ADGRB3: variants seen among roughly 807,000 people sequenced by gnomAD.
ADGRB3 encodes the protein adhesion G protein-coupled receptor B3.
ADGRB3 carries 37 observed loss-of-function variants against 193.4 expected under a neutral mutation model. That is an observed-to-expected ratio of 0.19 (90% CI 0.15 to 0.25). The LOEUF is 0.25. Ranked by LOEUF, ADGRB3 falls within the 10% of genes least tolerant of loss-of-function variation. The pLI is 1.00. For synonymous variants in ADGRB3, 690 were observed against 644.2 expected, an observed-to-expected ratio of 1.07 and a Z score of -1.08; for missense variants, 1,637 against 1,852.9, an observed-to-expected ratio of 0.88 and a Z score of 2.14.
At chr6:69,213,479 C>T (rs1765710081) in intron 17 of ADGRB3, among the ~76,000 whole-genome samples, 2 of 152,144 alleles carry the variant, frequency 1.3e-5, no homozygotes, top group African/African-American at 4.8e-5. Context: ...TATACATTGG[C>T]TTTTGGGTAA....
chr6:68,974,671 C>T (rs1768689706), intron 8 of ADGRB3, 92 bp from the exon 9 acceptor site: 5 of 922,732 alleles, frequency 5.4e-6, no homozygotes, highest in Admixed American at 4.3e-5. Flanking sequence ...AACTAAAGAG[C>T]TCTGCAGTTA....
chr6:68,895,740 C>G (rs997458024), intron 3 of ADGRB3, among the ~76,000 whole-genome samples: 3 of 151,352 alleles, frequency 2.0e-5, no homozygotes, highest in Admixed American at 1.3e-4. Context: ...TATAGCAGAT[C>G]AATAAATGCC....
intron 12 of ADGRB3, among the ~76,000 whole-genome samples, chr6:69,017,493 G>A (rs1770128887): frequency 6.6e-6 from 1 of 151,864 alleles, no homozygotes; most frequent in Non-Finnish European, 1.5e-5. Context: ...AAATTCATGT[G>A]ACATTTTCAA....
rs1398875215 is a variant in ADGRB3, at chr6:69,360,982, T to C, written c.3709T>C (p.Tyr1237His). ...GGGAACAAACCCTGAAGGGCTAAGC[T>C]ATTCAACATTGCCTGGAAATGTCAT... ...EKGTNPEGLS[Y>H]STLPGNVISK... The change falls in exon 29 of 32, where the codon TAT (tyrosine) becomes CAT (histidine). Residue 1237 changes from tyrosine to histidine, a missense_variant. Physicochemically the swap from Tyr to His is moderately conservative, Grantham distance 83. Coordinates refer to ENST00000370598, the MANE Select transcript of ADGRB3 (RefSeq NM_001704.3). 2 of 1,612,678 alleles carry C rather than the reference T, an allele frequency of 1.2e-6. No homozygotes were observed. Among genetic ancestry groups the C allele is most frequent in the Non-Finnish European group, 1.7e-6 (2 of 1,179,232 alleles).
At chr6:69,239,051 A>T in intron 19 of ADGRB3, 73 bp from the exon 20 acceptor site, 1 of 728,028 alleles carries the variant, frequency 1.4e-6, no homozygotes, top group Non-Finnish European at 2.3e-6. Flanking sequence ...GAATGCCATC[A>T]GTTTGCACAA....
At chr6:68,977,275 T>C (rs1768778407) in intron 10 of ADGRB3, among the ~76,000 whole-genome samples, 1 of 151,866 alleles carries the variant, frequency 6.6e-6, no homozygotes, top group South Asian at 2.1e-4. Context: ...TAGGTATAAG[T>C]AAAAATGTAT....
chr6:68,950,408 A>G (rs1305948077), intron 6 of ADGRB3, among the ~76,000 whole-genome samples: 1 of 152,174 alleles, frequency 6.6e-6, no homozygotes, highest in Non-Finnish European at 1.5e-5. Context: ...TGTTTATTAA[A>G]TGGTGTTCTA....
intron 31 of ADGRB3, among the ~76,000 whole-genome samples, 191 bp from the exon 32 acceptor site, chr6:69,388,512 G>T (rs576546585): frequency 3.0e-4 from 45 of 152,142 alleles, no homozygotes; most frequent in African/African-American, 1.0e-3. Context: ...CTAAGAGAAG[G>T]TATTCATCAG....
At chr6:69,081,497 G>A (rs988805686) in intron 17 of ADGRB3, among the ~76,000 whole-genome samples, 2 of 151,806 alleles carry the variant, frequency 1.3e-5, no homozygotes, top group Non-Finnish European at 2.9e-5. Context: ...AATTTTCTAA[G>A]AAAATAGAAA....
chr6:69,171,924 T>C (rs1775281058), intron 17 of ADGRB3, among the ~76,000 whole-genome samples: 1 of 152,176 alleles, frequency 6.6e-6, no homozygotes. Flanking sequence ...CCAGCCTCCT[T>C]TGCAGTAAGG....
At chr6:69,325,096 T>TCACCA in intron 21 of ADGRB3, 74 bp downstream of exon 21, 1 of 1,488,994 alleles carries the variant, frequency 6.7e-7, no homozygotes, top group Non-Finnish European at 9.0e-7. Flanking sequence ...CAGTCATGAG[T>TCACCA]GATTAGACAC....
At chr6:68,990,172 T>C (rs1249028399) in intron 10 of ADGRB3, among the ~76,000 whole-genome samples, 1 of 151,986 alleles carries the variant, frequency 6.6e-6, no homozygotes, top group African/African-American at 2.4e-5. Context: ...AACCTGGACA[T>C]GTCATTCTAG....
At chr6:69,301,667 T>A (rs1008475983) in intron 20 of ADGRB3, among the ~76,000 whole-genome samples, 1 of 151,924 alleles carries the variant, frequency 6.6e-6, no homozygotes, top group South Asian at 2.1e-4. Flanking sequence ...ATATGTACCA[T>A]AGATTGAGGT....
chr6:69,220,729 GA>G (rs780014432), intron 17 of ADGRB3, among the ~76,000 whole-genome samples: 1 of 152,020 alleles, frequency 6.6e-6, no homozygotes, highest in African/African-American at 2.4e-5. Flanking sequence ...TGCCCTTCAA[GA>G]AATTTCAAAC....
chr6:69,289,914 C>A (rs186388452), intron 20 of ADGRB3, among the ~76,000 whole-genome samples: 1 of 152,072 alleles, frequency 6.6e-6, no homozygotes, highest in Non-Finnish European at 1.5e-5. Context: ...TAGAGAATCA[C>A]CTCTTCTCAG....
intron 20 of ADGRB3, among the ~76,000 whole-genome samples, chr6:69,292,093 G>A (rs985203543): frequency 2.0e-5 from 3 of 152,002 alleles, no homozygotes; most frequent in Admixed American, 6.5e-5. Context: ...ATCAAACCTC[G>A]CATAAAAATC....
At chr6:69,342,167 C>T (rs750181670) in intron 26 of ADGRB3, among the ~76,000 whole-genome samples, 1 of 152,014 alleles carries the variant, frequency 6.6e-6, no homozygotes, top group African/African-American at 2.4e-5. Flanking sequence ...AATGCTTCTG[C>T]TAAAGTAGGT....
At chr6:69,325,229 CA>C (rs1160029210) in intron 21 of ADGRB3, among the ~76,000 whole-genome samples, 1 of 151,950 alleles carries the variant, frequency 6.6e-6, no homozygotes, top group Non-Finnish European at 1.5e-5. Context: ...TTTAGCTAGT[CA>C]GTTAACATTC....
intron 20 of ADGRB3, among the ~76,000 whole-genome samples, chr6:69,291,712 A>G (rs1355517942): frequency 2.0e-5 from 3 of 152,258 alleles, no homozygotes; most frequent in East Asian, 3.9e-4. Context: ...CCCTAACCTC[A>G]TGGCAAATGA....
Sources: allele counts gnomAD v4.1 joint callset (sites outside exome capture counted in the v4.1 genomes callset), GRCh38; gene constraint gnomAD v4.1.1; transcripts MANE v1.5; gene names NCBI Gene and HGNC (gene_info 2026-07-23, HGNC 2026-07-21).